F13A1: variants seen among roughly 807,000 people sequenced by gnomAD.
F13A1 encodes the protein FSF, A subunit.
In F13A1, 47 loss-of-function variants were observed where a neutral mutation model predicts 80.1. The ratio of observed to expected loss-of-function variants is 0.59; its 90% confidence interval spans 0.46 to 0.75. The LOEUF (loss-of-function observed/expected upper bound fraction) is 0.75. Among genes scored for constraint, F13A1 ranks in the 30% least tolerant of loss-of-function variants. The pLI is 0.00. For missense variants in F13A1, 817 were observed against 930.4 expected (o/e 0.88, Z 1.59); for synonymous variants, 349 against 344.9 (o/e 1.01, Z -0.13).
At chr6:6,182,467 C>T (rs185064545) in intron 10 of F13A1, among the ~76,000 whole-genome samples, 150 of 152,320 alleles carry the variant, frequency 9.8e-4, no homozygotes, top group African/African-American at 3.2e-3. Context: ...CCATGCCCAT[C>T]GCTTGCTTCC....
At chr6:6,270,717 A>G (rs962321205) in intron 3 of F13A1, among the ~76,000 whole-genome samples, 3 of 152,248 alleles carry the variant, frequency 2.0e-5, no homozygotes, top group Middle Eastern at 3.4e-3. Flanking sequence ...TCTGTGGAGG[A>G]AGGTGGAGAA....
intron 3 of F13A1, among the ~76,000 whole-genome samples, chr6:6,290,294 A>C (rs961700451): frequency 6.6e-6 from 1 of 152,226 alleles, no homozygotes; most frequent in East Asian, 1.9e-4. Flanking sequence ...AAAAAGAAAA[A>C]ATGGATATAA....
intron 4 of F13A1, among the ~76,000 whole-genome samples, chr6:6,262,405 C>T (rs892826124): frequency 5.9e-5 from 9 of 152,238 alleles, no homozygotes; most frequent in South Asian, 2.1e-4. Flanking sequence ...TTGAAGGTGA[C>T]GGTCAAGTTT....
intron 3 of F13A1, among the ~76,000 whole-genome samples, chr6:6,304,225 T>G (rs1367220552): frequency 6.6e-6 from 1 of 152,048 alleles, no homozygotes; most frequent in African/African-American, 2.4e-5. Context: ...TGAGGTGTTT[T>G]TTTTCTAAAT....
chr6:6,305,624 TGAA>T, intron 2 of F13A1, 85 bp from the exon 3 acceptor site: 2 of 1,431,832 alleles, frequency 1.4e-6, no homozygotes, highest in Non-Finnish European at 1.9e-6. Flanking sequence ...TTATTTTCCC[TGAA>T]GAAGGCAGGT....
chr6:6,204,891 T>C (rs1032468910), intron 8 of F13A1, among the ~76,000 whole-genome samples: 4 of 152,206 alleles, frequency 2.6e-5, no homozygotes, highest in Admixed American at 6.5e-5. Flanking sequence ...ACTGGCGTCA[T>C]GTCAAAGGCC....
At chr6:6,253,958 C>A (rs954127985) in intron 4 of F13A1, among the ~76,000 whole-genome samples, 2 of 152,158 alleles carry the variant, frequency 1.3e-5, no homozygotes, top group Non-Finnish European at 2.9e-5. Context: ...ACATGTGTGT[C>A]TCTCCCTGAC....
At position 6,144,535 on chromosome 6, in the gene F13A1, T is replaced by C. The variant is rs1036769638; in HGVS notation, c.*1084A>G. On this transcript the variant is annotated 3_prime_UTR_variant, in exon 15 of 15. Transcript: ENST00000264870. ...CATAATACAAATGATGTCAGCATCCTCTGTGGTTGGGTCAGAACTAGCACT... is the reference window on the plus strand; with the variant it reads ...CATAATACAAATGATGTCAGCATCCCCTGTGGTTGGGTCAGAACTAGCACT... 2 of 152,194 alleles carry C rather than the reference T, an allele frequency of 1.3e-5. No individual in the cohort carries two copies. Among genetic ancestry groups the C allele is most frequent in the Non-Finnish European group, 2.9e-5 (2 of 68,054 alleles). The allele number at this position is 152,194 out of a possible 1,614,324, so 9.4% of individuals were successfully genotyped here. A position where few individuals can be genotyped will look rare whatever the true frequency, so the allele number is the denominator to read the frequency against.
intron 3 of F13A1, among the ~76,000 whole-genome samples, chr6:6,271,905 G>C (rs891804792): frequency 6.6e-6 from 1 of 152,352 alleles, no homozygotes; most frequent in South Asian, 2.1e-4. Flanking sequence ...AATCCCCCCA[G>C]CTGGGATGTA....
At chr6:6,249,391 G>T (rs555066785) in intron 5 of F13A1, among the ~76,000 whole-genome samples, 1 of 152,220 alleles carries the variant, frequency 6.6e-6, no homozygotes, top group South Asian at 2.1e-4. Flanking sequence ...AGCTGTGTTT[G>T]CTGGGCAGGA....
intron 8 of F13A1, among the ~76,000 whole-genome samples, chr6:6,221,786 T>C (rs906909980): frequency 3.3e-5 from 5 of 152,210 alleles, no homozygotes; most frequent in Non-Finnish European, 7.3e-5. Flanking sequence ...CAGCTAAAAC[T>C]ATGACCTTTT....
chr6:6,249,698 C>T (rs945782535), intron 5 of F13A1, among the ~76,000 whole-genome samples: 1 of 152,092 alleles, frequency 6.6e-6, no homozygotes, highest in African/African-American at 2.4e-5. Context: ...ATAGAATCAC[C>T]AGGCTAAAGG....
intron 2 of F13A1, among the ~76,000 whole-genome samples, chr6:6,309,615 G>A (rs934965637): frequency 1.3e-5 from 2 of 152,206 alleles, no homozygotes; most frequent in African/African-American, 4.8e-5. Flanking sequence ...GAGACCATGC[G>A]AAGGAGTTTG....
At chr6:6,291,395 A>G (rs1210046105) in intron 3 of F13A1, among the ~76,000 whole-genome samples, 1 of 151,670 alleles carries the variant, frequency 6.6e-6, no homozygotes, top group East Asian at 1.9e-4. Context: ...CCCTCCTCTC[A>G]CCCACATTCC....
intron 11 of F13A1, among the ~76,000 whole-genome samples, chr6:6,178,974 G>C (rs1198733376): frequency 2.6e-5 from 4 of 152,194 alleles, no homozygotes; most frequent in Non-Finnish European, 5.9e-5. Context: ...AGTGTGCGCG[G>C]AAGGAGTGGA....
At chr6:6,163,652 C>T (rs148478249) in intron 13 of F13A1, among the ~76,000 whole-genome samples, 8 of 152,274 alleles carry the variant, frequency 5.3e-5, no homozygotes, top group South Asian at 2.1e-4. Flanking sequence ...CATTCGTGTT[C>T]CTGCGAAGGA....
rs563253796 is a variant in F13A1, at chr6:6,251,042, T to A, written c.572-113A>T. The A allele has an allele frequency of 6.1e-4, 505 of 831,700 alleles. 2 individuals carry two copies. The African/African-American group carries it at 7.1e-3, about 12-fold the overall frequency. The allele number at this position is 831,700 out of a possible 1,614,324, so 51.5% of individuals were successfully genotyped here. ...AACTACATTTAATCAGCCAAATTTT[T>A]AAAAAATGCCCTTTGTTTCACCAAG... On this transcript the variant is annotated intron_variant, in intron 4 of 14. Coordinates refer to ENST00000264870, the MANE Select transcript of F13A1 (RefSeq NM_000129.4).
intron 3 of F13A1, among the ~76,000 whole-genome samples, chr6:6,267,789 T>A (rs1375331934): frequency 3.3e-5 from 5 of 152,214 alleles, no homozygotes; most frequent in Non-Finnish European, 7.3e-5. Context: ...TATGTAAGGA[T>A]GCACTTTGGG....
rs1030560839 is a variant in F13A1, at chr6:6,151,908, T to G, written c.1950A>C (p.Thr650=). Residue 650 remains threonine (T), a synonymous_variant, in exon 14 of 15, where the codon ACA becomes ACC. Coordinates refer to ENST00000264870, the MANE Select transcript of F13A1 (RefSeq NM_000129.4). ...CTTTTAAAGGATTGGTAAACTCAAC[T>G]GTCACAGTCATGTCAGAACCAACTA... ...TQVVGSDMTV[T]VEFTNPLKET... 62 of 1,613,994 alleles carry G rather than the reference T, an allele frequency of 3.8e-5. No individual in the cohort carries two copies. The highest frequency in any genetic ancestry group is 5.0e-5 in the Admixed American group (3 of 59,976).
Sources: allele counts gnomAD v4.1 joint callset (sites outside exome capture counted in the v4.1 genomes callset), GRCh38; gene constraint gnomAD v4.1.1; transcripts MANE v1.5; gene names NCBI Gene and HGNC (gene_info 2026-07-23, HGNC 2026-07-21).